Variants in ARHGEF18 observed in about 807,000 individuals in gnomAD.
ARHGEF18 encodes the protein rho guanine nucleotide exchange factor 18.
A neutral mutation model predicts 155.7 loss-of-function variants in ARHGEF18; 93 were observed. The ratio of observed to expected loss-of-function variants is 0.60; its 90% confidence interval spans 0.50 to 0.71. The LOEUF is 0.71. Ranked by LOEUF, ARHGEF18 falls within the 30% of genes least tolerant of loss-of-function variation. The pLI, the probability that ARHGEF18 is intolerant of heterozygous loss-of-function variation, is 0.00. For synonymous variants in ARHGEF18, 742 were observed against 753.1 expected, an observed-to-expected ratio of 0.99 and a Z score of 0.24; for missense variants, 1,593 against 1,816.1, an observed-to-expected ratio of 0.88 and a Z score of 2.23.
chr19:7,433,507 CAAAAAAAAA>C (rs35825715), intron 10 of ARHGEF18, among the ~76,000 whole-genome samples: 11 of 58,302 alleles, frequency 1.9e-4, no homozygotes, highest in East Asian at 1.3e-3. Context: ...ACTCCGTCTC[CAAAAAAAAA>C]AAAAAAAAAA....
chr19:7,468,333 C>T (rs75932760), intron 26 of ARHGEF18, among the ~76,000 whole-genome samples: 2 of 151,168 alleles, frequency 1.3e-5, no homozygotes, highest in Non-Finnish European at 2.9e-5. Flanking sequence ...TTGCTTGAGG[C>T]TAGGTATTTG....
downstream of ARHGEF18, among the ~76,000 whole-genome samples, chr19:7,474,541 G>A (rs1977174057): frequency 6.6e-6 from 1 of 151,770 alleles, no homozygotes; most frequent in Non-Finnish European, 1.5e-5. Context: ...ATCATGCCCG[G>A]CTAATTTTTG....
chr19:7,431,033 G>A (rs1327990641), intron 10 of ARHGEF18, among the ~76,000 whole-genome samples: 2 of 151,460 alleles, frequency 1.3e-5, no homozygotes, highest in African/African-American at 4.9e-5. Flanking sequence ...ACACACCTAT[G>A]GTCCCAGCTA....
In ARHGEF18 at chr19:7,352,635, G is replaced by A. The variant is rs530659114; in HGVS notation, c.-111+3394G>A. On this transcript the variant is annotated intron_variant, in intron 1 of 28. Coordinates refer to ENST00000668164, the MANE Select transcript of ARHGEF18 (RefSeq NM_001367823.1). ...TGCAAGCTCCACCTCCCAGGTTCAC[G>A]CCATTCTCCTGCCTCAGCCTCCCGA... Among the ~76,000 whole-genome samples, 47 of 133,772 alleles carry A rather than the reference G, an allele frequency of 3.5e-4. No homozygotes were observed. In the South Asian group the frequency reaches 5.2e-3, roughly 15 times the overall value. 87.8% of individuals were successfully genotyped at this position (133,772 alleles called of 152,430 possible).
chr19:7,402,054 G>T (rs1972042139), intron 10 of ARHGEF18, among the ~76,000 whole-genome samples: 1 of 152,200 alleles, frequency 6.6e-6, no homozygotes, highest in Non-Finnish European at 1.5e-5. Context: ...GGTTGCCACA[G>T]GCTGGGGGTA....
the ARHGEF18 span, chr19:7,478,304 G>C: frequency 6.2e-7 from 1 of 1,609,742 alleles, no homozygotes; most frequent in Non-Finnish European, 8.5e-7. Flanking sequence ...GGGTGATCAC[G>C]GGCTCCTACC....
chr19:7,469,331 C>T (rs1976869731), intron 27 of ARHGEF18, among the ~76,000 whole-genome samples, 200 bp downstream of exon 27: 1 of 152,224 alleles, frequency 6.6e-6, no homozygotes, highest in African/African-American at 2.4e-5. Flanking sequence ...GATGATCCAC[C>T]CTGCATCTTC....
At chr19:7,414,187 C>G (rs1972859583) in intron 10 of ARHGEF18, among the ~76,000 whole-genome samples, 1 of 152,114 alleles carries the variant, frequency 6.6e-6, no homozygotes, top group African/African-American at 2.4e-5. Flanking sequence ...CTCTTCCCCC[C>G]TCACTCCCAT....
In ARHGEF18 at chr19:7,395,014, C is replaced by G; in HGVS notation, c.967+11811C>G. 4 of 979,542 alleles carry G rather than the reference C, an allele frequency of 4.1e-6. No individual in the cohort carries two copies. Among genetic ancestry groups the G allele is most frequent in the Non-Finnish European group, 4.9e-6 (4 of 824,578 alleles). The allele number at this position is 979,542 out of a possible 1,614,324, so 60.7% of individuals were successfully genotyped here. ...TCACCACGGCTCGGGGAGCAGCAGCCCCAGGTCCCCGGGAGCGCCCCGCCC... is the reference window on the plus strand; with the variant it reads ...TCACCACGGCTCGGGGAGCAGCAGCGCCAGGTCCCCGGGAGCGCCCCGCCC... On this transcript the variant is annotated intron_variant, in intron 10 of 28. Transcript: ENST00000668164. The surrounding 1 kb of genome is among the most constrained non-coding windows in gnomAD (Gnocchi z 5.0).
At position 7,462,890 on chromosome 19, in the gene ARHGEF18, G is replaced by A. The variant is rs1376804908; in HGVS notation, c.2635+556G>A. ...CTCGCTTTGTCACCCAGGCTGGAGT[G>A]CAGTGGCGTGATCTCGGCTCACTGC... On this transcript the variant is annotated intron_variant, in intron 21 of 28. Coordinates refer to ENST00000668164, the MANE Select transcript of ARHGEF18 (RefSeq NM_001367823.1). The surrounding 1 kb of genome is among the most constrained non-coding windows in gnomAD (Gnocchi z 4.4). 6.9e-6 allele frequency among the ~76,000 whole-genome samples: 1 copy of A among 145,916 alleles called. No individual in the cohort carries two copies. The highest frequency in any genetic ancestry group is 2.0e-4 in the East Asian group (1 of 5,002).
Position 7,472,102 on chromosome 19 carries a change from G to C in ARHGEF18, c.*1804G>C, listed in dbSNP as rs3745357. On this transcript the variant is annotated 3_prime_UTR_variant, in exon 29 of 29. Transcript: ENST00000668164. ...CCGGCGTGTGCCGGTCCAGCCCTCC[G>C]AGATGCCACAATTCCTTGGATGGGG... 19 of 152,258 alleles carry C rather than the reference G, an allele frequency of 1.2e-4. No homozygotes were observed. The highest frequency in any genetic ancestry group is 2.1e-4 in the Non-Finnish European group (14 of 67,992). 9.4% of individuals were successfully genotyped at this position (152,258 alleles called of 1,614,324 possible). A position where few individuals can be genotyped will look rare whatever the true frequency, so the allele number is the denominator to read the frequency against.
intron 10 of ARHGEF18, among the ~76,000 whole-genome samples, chr19:7,393,517 A>G (rs1243404594): frequency 6.6e-6 from 1 of 151,994 alleles, no homozygotes; most frequent in Non-Finnish European, 1.5e-5. Context: ...CCATGGGGAG[A>G]TCTTCTAGGC....
In ARHGEF18 at chr19:7,382,892, A is replaced by C; in HGVS notation, c.823A>C (p.Lys275Gln). Reference protein sequence around the residue: ...LRSRVTRQKEKGKSPAHLKDK... With the variant: ...LRSRVTRQKEQGKSPAHLKDK... ...CAGTCGAGTGACCAGGCAGAAGGAGAAGGTAAGGGGAGCTAAGCCACGGGG... is the reference window on the plus strand; with the variant it reads ...CAGTCGAGTGACCAGGCAGAAGGAGCAGGTAAGGGGAGCTAAGCCACGGGG... Residue 275 changes from lysine (K) to glutamine (Q), a missense_variant and splice_region_variant, in exon 9 of 29, where the codon AAG becomes CAG. Physicochemically the swap from Lys to Gln is moderately conservative, Grantham distance 53. Coordinates refer to ENST00000668164, the MANE Select transcript of ARHGEF18 (RefSeq NM_001367823.1). 2.4e-6 allele frequency: 3 copies of C among 1,232,512 alleles called. No homozygotes were observed. The South Asian group carries it at 1.2e-4, about 51-fold the overall frequency. 76.3% of individuals were successfully genotyped at this position (1,232,512 alleles called of 1,614,324 possible). A position where few individuals can be genotyped will look rare whatever the true frequency, so the allele number is the denominator to read the frequency against.
At chr19:7,360,248 T>C (rs1438428567) in intron 1 of ARHGEF18, among the ~76,000 whole-genome samples, 1 of 151,746 alleles carries the variant, frequency 6.6e-6, no homozygotes, top group East Asian at 1.9e-4. Context: ...CTTTTTTTTT[T>C]TCTTTGAGAC....
chr19:7,383,356 A>T (rs6603127), intron 10 of ARHGEF18, 153 bp downstream of exon 10: 5 of 808,900 alleles, frequency 6.2e-6, no homozygotes, highest in Non-Finnish European at 8.3e-6. Context: ...ACCAGGGATC[A>T]GTCCCTGGGC....
intron 10 of ARHGEF18, among the ~76,000 whole-genome samples, chr19:7,421,542 C>T (rs781317698): frequency 2.0e-5 from 3 of 152,110 alleles, no homozygotes; most frequent in Admixed American, 1.3e-4. Flanking sequence ...AGGCAGATTA[C>T]CTGAGGTCAG....
intron 15 of ARHGEF18, among the ~76,000 whole-genome samples, chr19:7,450,021 G>A (rs746470356): frequency 2.6e-5 from 4 of 152,134 alleles, no homozygotes; most frequent in African/African-American, 7.2e-5. Context: ...CTGCGTTCAG[G>A]TATCTGGTGT....
downstream of ARHGEF18, among the ~76,000 whole-genome samples, chr19:7,474,939 G>C (rs550649554): frequency 2.0e-5 from 3 of 152,188 alleles, no homozygotes; most frequent in South Asian, 6.2e-4. Context: ...GTTCTGCAAA[G>C]AGGGCCTGTA....
chr19:7,416,385 G>C (rs1973007392), intron 10 of ARHGEF18, among the ~76,000 whole-genome samples: 1 of 152,120 alleles, frequency 6.6e-6, no homozygotes, highest in Admixed American at 6.6e-5. Context: ...CTGCAGTCCA[G>C]CCTGGGCAGC....
Sources: gnomAD v4.1 joint callset for allele counts (sites outside exome capture counted in the v4.1 genomes callset) on GRCh38, gnomAD v4.1.1 for gene constraint, Gnocchi (gnomAD v3.1) non-coding constraint, MANE v1.5 for transcripts, NCBI Gene and HGNC (gene_info 2026-07-23, HGNC 2026-07-21) for gene names.